TGM6: variants seen among roughly 807,000 people sequenced by gnomAD.
The protein encoded by TGM6 is transglutaminase 6, also known as protein-glutamine gamma-glutamyltransferase 6.
A neutral mutation model predicts 77.5 loss-of-function variants in TGM6; 74 were observed. The observed-to-expected ratio is 0.96, with a 90% CI of 0.79 to 1.16. The LOEUF is 1.16. Ranked by LOEUF, TGM6 falls within the 50% of genes most tolerant of loss-of-function variation. The pLI is 0.00. For missense variants in TGM6, 968 were observed against 940.2 expected (o/e 1.03, Z -0.39); for synonymous variants, 383 against 378.9 (o/e 1.01, Z -0.12).
intron 1 of TGM6, among the ~76,000 whole-genome samples, chr20:2,391,253 A>T (rs908275774): frequency 6.6e-6 from 1 of 152,060 alleles, no homozygotes; most frequent in Non-Finnish European, 1.5e-5. Flanking sequence ...TAAGCACTTG[A>T]ATACATACAA....
At chr20:2,419,922 T>C (rs1405652988) in intron 10 of TGM6, among the ~76,000 whole-genome samples, 1 of 152,208 alleles carries the variant, frequency 6.6e-6, no homozygotes, top group Non-Finnish European at 1.5e-5. Flanking sequence ...CCTCTGGATT[T>C]TGGACTTTTG....
intron 10 of TGM6, 47 bp from the exon 11 acceptor site, chr20:2,430,399 G>A (rs1396303666): frequency 1.2e-6 from 2 of 1,612,740 alleles, no homozygotes; most frequent in Non-Finnish European, 8.5e-7. Flanking sequence ...CAGTGCCATT[G>A]AAGAAAGACA....
At chr20:2,416,732 C>T (rs535192964) in intron 9 of TGM6, among the ~76,000 whole-genome samples, 3 of 152,188 alleles carry the variant, frequency 2.0e-5, no homozygotes, top group African/African-American at 7.2e-5. Context: ...AGTCAAGTCC[C>T]GCCTCCTGCC....
intron 2 of TGM6, 112 bp downstream of exon 2, chr20:2,394,737 C>A: frequency 7.9e-7 from 1 of 1,257,958 alleles, no homozygotes; most frequent in Non-Finnish European, 1.1e-6. Context: ...GGAAGCAAGT[C>A]ACTGTAGGTA....
At chr20:2,388,701 C>A (rs1465333987) in intron 1 of TGM6, among the ~76,000 whole-genome samples, 1 of 151,896 alleles carries the variant, frequency 6.6e-6, no homozygotes, top group African/African-American at 2.4e-5. Context: ...GCAGTACCTC[C>A]CTCATATGGT....
intron 9 of TGM6, among the ~76,000 whole-genome samples, chr20:2,411,347 A>G (rs1239808305): frequency 6.6e-6 from 1 of 152,210 alleles, no homozygotes; most frequent in Non-Finnish European, 1.5e-5. Flanking sequence ...TTTAACATTG[A>G]AAATCAGCTA....
chr20:2,404,090 T>C (rs1407259198), intron 9 of TGM6, among the ~76,000 whole-genome samples: 3 of 152,258 alleles, frequency 2.0e-5, no homozygotes, highest in African/African-American at 7.2e-5. Context: ...ACTTGCCATA[T>C]ACCAGGCACT....
At chr20:2,428,543 G>A (rs1379796825) in intron 10 of TGM6, among the ~76,000 whole-genome samples, 1 of 152,086 alleles carries the variant, frequency 6.6e-6, no homozygotes, top group Non-Finnish European at 1.5e-5. Context: ...TTGGAGAACC[G>A]TGGTCTATCA....
chr20:2,397,832 G>T, intron 4 of TGM6, 86 bp from the exon 5 acceptor site: 1 of 1,610,730 alleles, frequency 6.2e-7, no homozygotes, highest in Non-Finnish European at 8.5e-7. Context: ...GCACAGATGG[G>T]GTGACTGACC....
At chr20:2,389,495 G>A (rs939598728) in intron 1 of TGM6, among the ~76,000 whole-genome samples, 1 of 152,152 alleles carries the variant, frequency 6.6e-6, no homozygotes, top group African/African-American at 2.4e-5. Flanking sequence ...AAACAGATTG[G>A]TTAAGAAGCA....
intron 1 of TGM6, among the ~76,000 whole-genome samples, chr20:2,393,375 C>T (rs757330332): frequency 6.6e-6 from 1 of 152,010 alleles, no homozygotes; most frequent in Non-Finnish European, 1.5e-5. Flanking sequence ...TTAAAATGGC[C>T]GCTGAGCATA....
chr20:2,381,036 C>G, intron 1 of TGM6, 61 bp downstream of exon 1: 1 of 1,598,054 alleles, frequency 6.3e-7, no homozygotes, highest in Non-Finnish European at 8.5e-7. Context: ...CTTCAAGAAA[C>G]ACGGGTCTGT....
At chr20:2,395,499 C>T in intron 3 of TGM6, 63 bp downstream of exon 3, 1 of 1,613,552 alleles carries the variant, frequency 6.2e-7, no homozygotes, top group Non-Finnish European at 8.5e-7. Flanking sequence ...GAGAGCCTGC[C>T]CTTGGAGGGG....
chr20:2,414,792 A>G (rs184312911), intron 9 of TGM6, among the ~76,000 whole-genome samples: 16 of 152,240 alleles, frequency 1.1e-4, no homozygotes, highest in Non-Finnish European at 2.4e-4. Context: ...AAGCGGAAAA[A>G]TTTCACAAAA....
At chr20:2,382,495 T>C (rs1371960549) in intron 1 of TGM6, among the ~76,000 whole-genome samples, 2 of 152,218 alleles carry the variant, frequency 1.3e-5, no homozygotes, top group Non-Finnish European at 2.9e-5. Context: ...AAGTTGATGA[T>C]GATGCCCATT....
rs1314004403 is a variant in TGM6 at position 2,396,581 on chromosome 20, G to A, written c.500G>A (p.Gly167Asp). 3.1e-6 allele frequency: 5 copies of A among 1,614,238 alleles called. No homozygotes were observed. Among genetic ancestry groups the A allele is most frequent in the Admixed American group, 1.7e-5 (1 of 60,028 alleles). ...AGCGACAGCGGCATCATCTTCCGAGGCGTGGAGAAGCACATACGAGCCCAG... is the reference window on the plus strand; with the variant it reads ...AGCGACAGCGGCATCATCTTCCGAGACGTGGAGAAGCACATACGAGCCCAG... ...VLSDSGIIFRGVEKHIRAQGW... is the reference protein window; with the variant it reads ...VLSDSGIIFRDVEKHIRAQGW... Residue 167 changes from glycine to aspartate, a missense_variant, in exon 4 of 13, where the codon GGC becomes GAC. Physicochemically the swap from Gly to Asp is moderately conservative, Grantham distance 94 (BLOSUM62 -1). Transcript: ENST00000202625.
In TGM6 at chr20:2,432,476, TC is replaced by T. The variant is rs879439409; in HGVS notation, c.1968-10del. 6.2e-7 allele frequency: 1 copy of T among 1,613,620 alleles called. No individual in the cohort carries two copies. Among genetic ancestry groups the T allele is most frequent in the East Asian group, 2.2e-5 (1 of 44,874 alleles). The stretch of plus-strand genomic sequence containing the variant: ...GGACTGACAGTCTGCCTTTCTCCCC[TC>T]CCCTTCCTCCAGCGTGCCTACCCTG... On this transcript the variant is annotated splice_polypyrimidine_tract_variant and intron_variant, in intron 12 of 12. Transcript: ENST00000202625.
intron 3 of TGM6, 114 bp downstream of exon 3, chr20:2,395,550 G>A (rs1568656405): frequency 3.8e-6 from 6 of 1,583,676 alleles, no homozygotes; most frequent in Non-Finnish European, 4.3e-6. Flanking sequence ...TGAATGCCAA[G>A]AGCTGGGCAA....
At chr20:2,401,412 A>G (rs538528416) in intron 7 of TGM6, among the ~76,000 whole-genome samples, 5 of 152,308 alleles carry the variant, frequency 3.3e-5, no homozygotes, top group African/African-American at 1.2e-4. Flanking sequence ...AGACACGAGC[A>G]CATACATACC....
Sources: allele counts gnomAD v4.1 joint callset (sites outside exome capture counted in the v4.1 genomes callset), GRCh38; gene constraint gnomAD v4.1.1; transcripts MANE v1.5; gene names NCBI Gene and HGNC (gene_info 2026-07-23, HGNC 2026-07-21).